CHST3: variants seen among roughly 807,000 people sequenced by gnomAD.
The protein encoded by CHST3 is C6ST-1.
CHST3 carries 20 observed loss-of-function variants against 35.4 expected under a neutral mutation model. The observed-to-expected ratio is 0.57, with a 90% CI of 0.40 to 0.82. The LOEUF is 0.82. Ranked by LOEUF, CHST3 falls within the 40% of genes least tolerant of loss-of-function variation. The pLI is 0.00. For missense variants in CHST3, 693 were observed against 670.1 expected, an observed-to-expected ratio of 1.03 and a Z score of -0.38; for synonymous variants, 334 against 295.9, an observed-to-expected ratio of 1.13 and a Z score of -1.32.
intron 1 of CHST3, among the ~76,000 whole-genome samples, chr10:71,983,487 G>A (rs563578428): frequency 6.6e-6 from 1 of 152,214 alleles, no homozygotes; most frequent in South Asian, 2.1e-4. Context: ...GTCTTGTTCT[G>A]TTGCCCAGGC....
At chr10:72,006,706 G>T (rs2131773460) in intron 2 of CHST3, among the ~76,000 whole-genome samples, 1 of 152,344 alleles carries the variant, frequency 6.6e-6, no homozygotes, top group South Asian at 2.1e-4. Context: ...CATTAGCTAA[G>T]ATGGGTGGGT....
chr10:71,997,701 T>TTTC (rs1839953975), intron 1 of CHST3, among the ~76,000 whole-genome samples: 1 of 151,008 alleles, frequency 6.6e-6, no homozygotes, highest in Non-Finnish European at 1.5e-5. Flanking sequence ...TTTTTTTTTT[T>TTTC]GAGACGGAGT....
Position 72,007,153 on chromosome 10 carries a change from ATCT to A in CHST3, c.141-14_141-12del, listed in dbSNP as rs1467837383. The A allele has an allele frequency of 1.9e-6, 3 of 1,613,418 alleles. No homozygotes were observed. Among genetic ancestry groups the A allele is most frequent in the Admixed American group, 1.7e-5 (1 of 59,980 alleles). The stretch of plus-strand genomic sequence containing the variant: ...GGTCCCCAGTCAGCCACTGACCCTG[ATCT>A]TCTTTGTCCTCACAGGGTCTCAGAC... On this transcript the variant is annotated splice_polypyrimidine_tract_variant and intron_variant, in intron 2 of 2. Coordinates refer to ENST00000373115, the MANE Select transcript of CHST3 (RefSeq NM_004273.5).
At chr10:71,993,570 A>G (rs1439246812) in intron 1 of CHST3, among the ~76,000 whole-genome samples, 1 of 152,254 alleles carries the variant, frequency 6.6e-6, no homozygotes, top group Non-Finnish European at 1.5e-5. Flanking sequence ...ACTGGCATCT[A>G]CAATGGAAGG....
intron 1 of CHST3, among the ~76,000 whole-genome samples, chr10:71,984,254 C>T (rs1231356445): frequency 1.3e-5 from 2 of 152,180 alleles, no homozygotes; most frequent in African/African-American, 4.8e-5. Context: ...AACTCCTGAC[C>T]TCAAGTGATC....
chr10:71,987,798 T>C (rs917817559), intron 1 of CHST3, among the ~76,000 whole-genome samples: 17 of 151,980 alleles, frequency 1.1e-4, no homozygotes, highest in African/African-American at 3.6e-4. Context: ...CTCTCTGTCC[T>C]GTCCCTTACT....
chr10:71,977,774 A>G (rs1839760963), intron 1 of CHST3, among the ~76,000 whole-genome samples: 1 of 152,058 alleles, frequency 6.6e-6, no homozygotes, highest in South Asian at 2.1e-4. Flanking sequence ...GATTCAAGTG[A>G]TTCTCCTGCC....
chr10:71,967,538 G>A (rs1839643732), intron 1 of CHST3, among the ~76,000 whole-genome samples: 1 of 152,188 alleles, frequency 6.6e-6, no homozygotes, highest in Admixed American at 6.5e-5. Flanking sequence ...GTATTTCATG[G>A]TATATATGTA....
At chr10:71,967,790 A>C (rs895294425) in intron 1 of CHST3, among the ~76,000 whole-genome samples, 1 of 152,134 alleles carries the variant, frequency 6.6e-6, no homozygotes, top group Non-Finnish European at 1.5e-5. Flanking sequence ...CATACCCATC[A>C]GCAGTGTATA....
At position 72,007,824 on chromosome 10, in the gene CHST3, C is replaced by T. The variant is rs760987231; in HGVS notation, c.793C>T (p.Arg265Cys). The T allele has an allele frequency of 6.2e-7, 1 of 1,603,848 alleles. No individual in the cohort carries two copies. Among genetic ancestry groups the T allele is most frequent in the East Asian group, 2.2e-5 (1 of 44,840 alleles). ...LNVTLAAEACRRKEHMALKAV... is the reference protein window; with the variant it reads ...LNVTLAAEACCRKEHMALKAV... ...CGTGACGCTGGCCGCAGAGGCCTGC[C>T]GCCGCAAGGAGCACATGGCCCTCAA... Residue 265 changes from arginine to cysteine, a missense_variant, in exon 3 of 3, where the codon CGC becomes TGC. Transcript: ENST00000373115.
intron 1 of CHST3, among the ~76,000 whole-genome samples, chr10:71,972,062 A>G (rs1053462460): frequency 2.0e-5 from 3 of 152,082 alleles, no homozygotes; most frequent in Admixed American, 6.6e-5. Flanking sequence ...TGGTGTGCCT[A>G]ATACTGCCCT....
chr10:71,980,501 C>G (rs541645013), intron 1 of CHST3, among the ~76,000 whole-genome samples: 45 of 152,162 alleles, frequency 3.0e-4, no homozygotes, highest in Non-Finnish European at 6.3e-4. Context: ...GTTGGCACAG[C>G]CTGCAGTTTG....
At chr10:71,976,125 G>A (rs1381761318) in intron 1 of CHST3, among the ~76,000 whole-genome samples, 3 of 152,202 alleles carry the variant, frequency 2.0e-5, no homozygotes, top group African/African-American at 7.2e-5. Flanking sequence ...CTGGCTCTTT[G>A]TGGTTCGGGA....
At chr10:71,979,508 T>C (rs1199494301) in intron 1 of CHST3, among the ~76,000 whole-genome samples, 3 of 151,890 alleles carry the variant, frequency 2.0e-5, no homozygotes, top group Non-Finnish European at 2.9e-5. Context: ...GGGCTCGGCC[T>C]TAAGGGATGG....
intron 1 of CHST3, among the ~76,000 whole-genome samples, chr10:71,971,326 G>T (rs915905659): frequency 7.2e-5 from 11 of 152,196 alleles, no homozygotes; most frequent in African/African-American, 2.4e-4. Context: ...CGCTCCGCAC[G>T]TCCACATGTT....
intron 1 of CHST3, among the ~76,000 whole-genome samples, chr10:71,971,694 T>G (rs1267277240): frequency 6.6e-6 from 1 of 152,222 alleles, no homozygotes; most frequent in African/African-American, 2.4e-5. Flanking sequence ...GTCCCCGCAC[T>G]GTGACTACAC....
chr10:72,007,398 C>T lies in CHST3; in HGVS notation c.367C>T (p.Pro123Ser). 6.2e-7 allele frequency: 1 copy of T among 1,604,956 alleles called. No individual in the cohort carries two copies. Among genetic ancestry groups the T allele is most frequent in the Non-Finnish European group, 8.5e-7 (1 of 1,177,652 alleles). Reference protein sequence around the residue: ...EEEEQRKEEEPPRPAVAGPRR... With the variant: ...EEEEQRKEEESPRPAVAGPRR... Reference sequence around the variant, plus strand: ...GGAAGAGCAGAGAAAGGAGGAGGAGCCGCCCAGACCGGCCGTGGCGGGGCC... The same window carrying T: ...GGAAGAGCAGAGAAAGGAGGAGGAGTCGCCCAGACCGGCCGTGGCGGGGCC... Residue 123 changes from proline to serine, a missense_variant, in exon 3 of 3, where the codon CCG becomes TCG. Coordinates refer to ENST00000373115, the MANE Select transcript of CHST3 (RefSeq NM_004273.5).
In CHST3 at chr10:72,007,242, T is replaced by C. The variant is rs1840047928; in HGVS notation, c.211T>C (p.Leu71=). 6.2e-7 allele frequency: 1 copy of C among 1,614,236 alleles called. No homozygotes were observed. The highest frequency in any genetic ancestry group is 1.3e-5 in the African/African-American group (1 of 75,064). ...DANSTDPALI[L]AENASLLSLS... ...CAACAGCACCGACCCAGCCCTGATC[T>C]TAGCTGAGAACGCATCTCTCTTGTC... The change falls in exon 3 of 3, where the codon TTA becomes CTA. Residue 71 remains leucine, a synonymous_variant. Coordinates refer to ENST00000373115, the MANE Select transcript of CHST3 (RefSeq NM_004273.5).
At chr10:71,997,548 A>G (rs1053624699) in intron 1 of CHST3, among the ~76,000 whole-genome samples, 4 of 152,092 alleles carry the variant, frequency 2.6e-5, no homozygotes, top group African/African-American at 9.7e-5. Context: ...ACCACTTCCA[A>G]AGTGATAATA....
Sources: allele counts gnomAD v4.1 joint callset (sites outside exome capture counted in the v4.1 genomes callset), GRCh38; gene constraint gnomAD v4.1.1; transcripts MANE v1.5; gene names NCBI Gene and HGNC (gene_info 2026-07-23, HGNC 2026-07-21).